DAGLB: variants seen among roughly 807,000 people sequenced by gnomAD.
The protein encoded by DAGLB is diacylglycerol lipase beta.
In DAGLB, 66 loss-of-function variants were observed where a neutral mutation model predicts 72.1. The observed-to-expected ratio is 0.92, with a 90% CI of 0.75 to 1.12. The LOEUF (loss-of-function observed/expected upper bound fraction) is 1.12, where lower values mean the gene tolerates loss of function less well. Among genes scored for constraint, DAGLB ranks in the 50% most tolerant of loss-of-function variants. DAGLB has a pLI of 0.00. For missense variants in DAGLB, 1,065 were observed against 884.9 expected (o/e 1.20, Z -2.58); for synonymous variants, 414 against 359.5 (o/e 1.15, Z -1.71).
chr7:6,414,530 G>T (rs2115243038), intron 11 of DAGLB, among the ~76,000 whole-genome samples: 1 of 151,668 alleles, frequency 6.6e-6, no homozygotes, highest in Middle Eastern at 3.4e-3. Flanking sequence ...CGATCTCCTG[G>T]GCTCAAGTGA....
Position 6,436,492 on chromosome 7 carries a change from G to A in DAGLB, c.289C>T (p.Leu97=). 2.5e-6 allele frequency: 4 copies of A among 1,614,180 alleles called. No individual in the cohort carries two copies. The highest frequency in any genetic ancestry group is 2.5e-6 in the Non-Finnish European group (3 of 1,180,040). The change falls in exon 3 of 15, where the codon CTG becomes TTG. Residue 97 remains leucine, a synonymous_variant. Coordinates refer to ENST00000297056, the MANE Select transcript of DAGLB (RefSeq NM_139179.4). The part of the protein sequence containing the change: ...NPGPRKSMSK[L]LYIRLALFFP... ...AACAGCGCCAGGCGGATGTAAAGCA[G>A]CTTAGACATAGACTTCCGCGGTCCA...
In DAGLB at chr7:6,447,858, G is replaced by A. The variant is rs372243480; in HGVS notation, c.-16C>T. 630 of 1,604,172 alleles carry A rather than the reference G, an allele frequency of 3.9e-4. 2 individuals carry two copies. Among genetic ancestry groups the A allele is most frequent in the Non-Finnish European group, 1.6e-4 (193 of 1,176,396 alleles). The stretch of plus-strand genomic sequence containing the variant: ...TCCCCGGCATGGCGAAGGTCCCGTA[G>A]CTCGCACTCAGGAGAGACCCCGCGC... On this transcript the variant is annotated 5_prime_UTR_variant, in exon 1 of 15. Coordinates refer to ENST00000297056, the MANE Select transcript of DAGLB (RefSeq NM_139179.4).
intron 1 of DAGLB, 67 bp downstream of exon 1, chr7:6,447,681 C>A: frequency 6.5e-7 from 1 of 1,548,802 alleles, no homozygotes; most frequent in Non-Finnish European, 8.7e-7. Context: ...GTCACCGTCT[C>A]AAGGGACAGC....
intron 2 of DAGLB, among the ~76,000 whole-genome samples, chr7:6,441,368 G>A (rs1407800634): frequency 1.3e-5 from 2 of 151,356 alleles, no homozygotes; most frequent in Non-Finnish European, 2.9e-5. Flanking sequence ...TGGGATTACA[G>A]GCGTGAGCCA....
chr7:6,436,260 T>A, intron 3 of DAGLB, 102 bp downstream of exon 3: 1 of 1,415,468 alleles, frequency 7.1e-7, no homozygotes, highest in Non-Finnish European at 9.5e-7. Context: ...TCTAACTATT[T>A]GAGGAAGTCC....
chr7:6,409,856 G>T lies in DAGLB; in HGVS notation c.2000C>A (p.Ser667Tyr), dbSNP rs932753389. The change falls in exon 15 of 15, where the codon TCC becomes TAC. Residue 667 changes from serine (S) to tyrosine (Y), a missense_variant. Physicochemically the swap from Ser to Tyr is moderately radical, Grantham distance 144. Transcript: ENST00000297056. ...CCCTGGTCAGGCCACGTCCACACTGGAGACCCCTTGTGCTGGACAGGAGAC... is the reference window on the plus strand; with the variant it reads ...CCCTGGTCAGGCCACGTCCACACTGTAGACCCCTTGTGCTGGACAGGAGAC... ...ACVSCPAQGV[S>Y]SVDVA is the part of the protein sequence containing the mutation. 9 of 1,613,836 alleles carry T rather than the reference G, an allele frequency of 5.6e-6. No individual in the cohort carries two copies. Among genetic ancestry groups the T allele is most frequent in the Non-Finnish European group, 6.8e-6 (8 of 1,180,034 alleles).
intron 6 of DAGLB, among the ~76,000 whole-genome samples, chr7:6,429,399 G>A (rs1784409116): frequency 6.6e-6 from 1 of 151,612 alleles, no homozygotes; most frequent in African/African-American, 2.4e-5. Context: ...AAACTTGAAG[G>A]AGACCAAAGA....
chr7:6,447,035 C>T (rs1363428681), intron 1 of DAGLB, among the ~76,000 whole-genome samples: 4 of 152,046 alleles, frequency 2.6e-5, no homozygotes, highest in African/African-American at 9.7e-5. Context: ...AAAGGGGTCT[C>T]ACTATGTTGC....
intron 1 of DAGLB, among the ~76,000 whole-genome samples, chr7:6,447,114 C>T (rs557581718): frequency 4.3e-4 from 66 of 152,326 alleles, no homozygotes; most frequent in African/African-American, 1.5e-3. Flanking sequence ...GCTGAGATAA[C>T]AGGCGTGAGC....
At chr7:6,428,511 G>A (rs1242977811) in intron 6 of DAGLB, among the ~76,000 whole-genome samples, 2 of 149,734 alleles carry the variant, frequency 1.3e-5, no homozygotes, top group African/African-American at 2.5e-5. Flanking sequence ...TTTTGAGACA[G>A]AATCTTGCTC....
intron 6 of DAGLB, among the ~76,000 whole-genome samples, 178 bp downstream of exon 6, chr7:6,430,302 G>GGAGAGAGA (rs749575853): frequency 9.5e-6 from 1 of 105,460 alleles, no homozygotes; most frequent in Non-Finnish European, 2.0e-5. Context: ...AGGGAGGGAG[G>GGAGAGAGA]GAGAGAGAGA....
intron 13 of DAGLB, 143 bp from the exon 14 acceptor site, chr7:6,410,523 G>A (rs1174315483): frequency 1.5e-5 from 20 of 1,291,720 alleles, no homozygotes; most frequent in Admixed American, 8.3e-5. Flanking sequence ...AAGATGCACC[G>A]GCGAGCTGTG....
At chr7:6,436,622 T>C in intron 2 of DAGLB, 89 bp from the exon 3 acceptor site, 2 of 1,543,414 alleles carry the variant, frequency 1.3e-6, no homozygotes, top group Non-Finnish European at 1.8e-6. Flanking sequence ...TTGCAGAGCA[T>C]ACATTTGTAC....
chr7:6,434,816 GTC>G lies in DAGLB; in HGVS notation c.622_623del (p.Asp208ProfsTer62). 1.2e-6 allele frequency: 2 copies of G among 1,614,170 alleles called. No individual in the cohort carries two copies. The highest frequency in any genetic ancestry group is 4.5e-5 in the East Asian group (2 of 44,886). ...KLLCCCIGKD[D>X]HTRVAFSSTA... ...TACTCGAAAAAGCAACCCGAGTATGGTCGTCTTTCCCAATGCAACAGCACAAG... is the reference window on the plus strand; with the variant it reads ...TACTCGAAAAAGCAACCCGAGTATGGGTCTTTCCCAATGCAACAGCACAAG... On this transcript the variant is annotated frameshift_variant, in exon 4 of 15. Transcript: ENST00000297056. LOFTEE classifies it high-confidence loss of function.
At chr7:6,423,390 A>G (rs774572859) in intron 8 of DAGLB, among the ~76,000 whole-genome samples, 1 of 152,102 alleles carries the variant, frequency 6.6e-6, no homozygotes, top group Non-Finnish European at 1.5e-5. Flanking sequence ...CAGGAAGTTC[A>G]CACACAGCAG....
chr7:6,437,192 AGTAATAATT>A (rs1373360737), intron 2 of DAGLB, among the ~76,000 whole-genome samples: 12 of 146,152 alleles, frequency 8.2e-5, no homozygotes, highest in African/African-American at 2.9e-4. Flanking sequence ...TAATAATAAT[AGTAATAATT>A]ATGCTGAGAC....
At chr7:6,438,863 AATGATGATG>A (rs962906702) in intron 2 of DAGLB, among the ~76,000 whole-genome samples, 1 of 106,518 alleles carries the variant, frequency 9.4e-6, no homozygotes, top group Non-Finnish European at 2.5e-5. Flanking sequence ...TAAAAAAGAT[AATGATGATG>A]ATGATGATGA....
chr7:6,443,056 G>A (rs1366645921), intron 2 of DAGLB, among the ~76,000 whole-genome samples: 2 of 150,174 alleles, frequency 1.3e-5, no homozygotes, highest in Non-Finnish European at 3.0e-5. Context: ...GGTGGCGGGC[G>A]CCTGTAGTCC....
intron 11 of DAGLB, among the ~76,000 whole-genome samples, chr7:6,414,009 G>A (rs920062256): frequency 6.6e-6 from 1 of 152,134 alleles, no homozygotes; most frequent in African/African-American, 2.4e-5. Context: ...TGGGGTGACA[G>A]AAAGGACTTT....
Sources: allele counts gnomAD v4.1 joint callset (sites outside exome capture counted in the v4.1 genomes callset), GRCh38; gene constraint gnomAD v4.1.1; transcripts MANE v1.5; gene names NCBI Gene and HGNC (gene_info 2026-07-23, HGNC 2026-07-21).